Variants in NLRP1 observed in about 807,000 individuals in gnomAD.
NLRP1 encodes NLR family pyrin domain containing 1, also known as NACHT, LRR and PYD domains-containing protein 1.
NLRP1 carries 94 observed loss-of-function variants against 136.7 expected under a neutral mutation model. That is an observed-to-expected ratio of 0.69 (90% CI 0.58 to 0.82). The LOEUF (loss-of-function observed/expected upper bound fraction) is 0.82. NLRP1 is among the 40% of genes least tolerant of loss of function. NLRP1 has a pLI of 0.00. For synonymous variants in NLRP1, 690 were observed against 725.1 expected (o/e 0.95, Z 0.78); for missense variants, 1,575 against 1,802.7 (o/e 0.87, Z 2.29).
chr17:5,546,102 C>T (rs1241071383), intron 5 of NLRP1, among the ~76,000 whole-genome samples: 2 of 152,182 alleles, frequency 1.3e-5, no homozygotes, highest in Non-Finnish European at 2.9e-5. Context: ...AGGTGAAGGG[C>T]ACAGGCTTTG....
chr17:5,519,695 G>T (rs1029383220), intron 14 of NLRP1, among the ~76,000 whole-genome samples: 1 of 151,614 alleles, frequency 6.6e-6, no homozygotes. Context: ...TGATCCACCC[G>T]CCTTGGTCTC....
intron 3 of NLRP1, among the ~76,000 whole-genome samples, chr17:5,569,002 A>T (rs1479122778): frequency 6.6e-6 from 1 of 152,200 alleles, no homozygotes; most frequent in Admixed American, 6.5e-5. Context: ...GCTCCAACCA[A>T]GAATTTCATA....
chr17:5,581,161 G>A (rs1905594741), intron 3 of NLRP1, among the ~76,000 whole-genome samples: 1 of 152,190 alleles, frequency 6.6e-6, no homozygotes, highest in African/African-American at 2.4e-5. Context: ...GGCATTGAGA[G>A]GCAGCATGGT....
intron 13 of NLRP1, 92 bp from the exon 14 acceptor site, chr17:5,521,104 G>A: frequency 1.5e-6 from 2 of 1,296,596 alleles, no homozygotes; most frequent in Non-Finnish European, 2.1e-6. Context: ...GTGTTTGTGT[G>A]GACAGAGTGG....
downstream of NLRP1, among the ~76,000 whole-genome samples, chr17:5,512,997 C>T (rs1002005200): frequency 6.6e-6 from 1 of 152,204 alleles, no homozygotes; most frequent in African/African-American, 2.4e-5. Context: ...TTACTACTAG[C>T]TTTCTCCTGA....
In NLRP1 at chr17:5,584,027, A is replaced by C; in HGVS notation, c.-70T>G. ...GGTGAGGGTATCAGGCAGGCAGAGA[A>C]CAGTGCTGTCCTTTGCCTTGGCTCT... On this transcript the variant is annotated 5_prime_UTR_variant, in exon 1 of 17. Transcript: ENST00000572272. The C allele has an allele frequency of 6.8e-7, 1 of 1,470,800 alleles. No homozygotes were observed. The highest frequency in any genetic ancestry group is 9.3e-7 in the Non-Finnish European group (1 of 1,080,394). 91.1% of individuals were successfully genotyped at this position (1,470,800 alleles called of 1,614,324 possible).
rs201632316 is a variant in NLRP1 at position 5,514,816 on chromosome 17, G to A, written c.4360C>T (p.His1454Tyr). The A allele has an allele frequency of 4.3e-6, 7 of 1,614,020 alleles. No individual in the cohort carries two copies. The African/African-American group carries it at 8.0e-5, about 18-fold the overall frequency. Reference protein sequence around the residue: ...LYQALKETHPHLIMELWEKGS... With the variant: ...LYQALKETHPYLIMELWEKGS... ...TTCTCCCAGAGTTCCATAATGAGGT[G>A]AGGATGGGTCTCCTTCAGGGCTTGG... The change falls in exon 17 of 17, where the codon CAC becomes TAC. Residue 1454 changes from histidine (H) to tyrosine (Y), a missense_variant. By Grantham distance (83) the His-to-Tyr change is moderately conservative. Coordinates refer to ENST00000572272, the MANE Select transcript of NLRP1 (RefSeq NM_033004.4).
At position 5,520,924 on chromosome 17, in the gene NLRP1, G is replaced by T. The variant is rs1442614925; in HGVS notation, c.3872C>A (p.Thr1291Asn). ...LTPLYMGCRY[T>N]VSGSGSGMLE... is the part of the protein sequence containing the mutation. ...CATCCCTGAACCAGACCCAGACACA[G>T]TGTAACGACAGCCCATATAAAGTGG... is the stretch of plus-strand genomic sequence containing the variant. Residue 1291 changes from threonine to asparagine, a missense_variant, in exon 14 of 17, where the codon ACT becomes AAT. Thr to Asn is a moderately conservative substitution (Grantham distance 65, BLOSUM62 0). Coordinates refer to ENST00000572272, the MANE Select transcript of NLRP1 (RefSeq NM_033004.4). 6.2e-7 allele frequency: 1 copy of T among 1,612,006 alleles called. No homozygotes were observed. The highest frequency in any genetic ancestry group is 8.5e-7 in the Non-Finnish European group (1 of 1,178,938).
intron 15 of NLRP1, among the ~76,000 whole-genome samples, chr17:5,506,441 A>G (rs1256995601): frequency 2.0e-5 from 3 of 152,222 alleles, no homozygotes; most frequent in Admixed American, 1.3e-4. Context: ...AAAAGAGTTG[A>G]AAACAAGGTT....
At chr17:5,547,594 A>G (rs1912837862) in intron 5 of NLRP1, among the ~76,000 whole-genome samples, 1 of 152,252 alleles carries the variant, frequency 6.6e-6, no homozygotes, top group Non-Finnish European at 1.5e-5. Context: ...GGTTTGAGAT[A>G]GTGAAATTTT....
rs551329725 is a variant in NLRP1, at chr17:5,576,303, C to CA, written c.652+5555dup. Among the ~76,000 whole-genome samples, 115 of 152,124 alleles carry CA rather than the reference C, an allele frequency of 7.6e-4. 1 individual carries two copies. Among genetic ancestry groups the CA allele is most frequent in the African/African-American group, 2.7e-3 (110 of 41,486 alleles). On this transcript the variant is annotated intron_variant, in intron 3 of 16. Coordinates refer to ENST00000572272, the MANE Select transcript of NLRP1 (RefSeq NM_033004.4). ...AGCAGAACTGAAGGAGACAGAGACA[C>CA]AAAAAACCTTTCAAAAAATCAATGA...
chr17:5,581,856 C>G lies in NLRP1; in HGVS notation c.652+3G>C. 6.2e-7 allele frequency: 1 copy of G among 1,610,742 alleles called. No homozygotes were observed. Among genetic ancestry groups the G allele is most frequent in the Non-Finnish European group, 8.5e-7 (1 of 1,178,544 alleles). ...CCCCGCCAGGAGCTCAGTAGGGTCT[C>G]ACCTGTGTAGTAAATTCCTGACGTT... On this transcript the variant is annotated splice_donor_region_variant and intron_variant, in intron 3 of 16. Transcript: ENST00000572272.
Position 5,583,322 on chromosome 17 carries a change from C to G in NLRP1, c.271+365G>C, listed in dbSNP as rs1461446064. ...GCCCAGGGAGGCGGGCTCTCACTCT[C>G]CCATTTTGCAGACAGAGAAATAGGC... On this transcript the variant is annotated intron_variant, in intron 1 of 16. Transcript: ENST00000572272. The surrounding 1 kb of genome is among the most constrained non-coding windows in gnomAD (Gnocchi z 4.5). Among the ~76,000 whole-genome samples, 1 of 152,178 alleles carries G rather than the reference C, an allele frequency of 6.6e-6. No individual in the cohort carries two copies. The highest frequency in any genetic ancestry group is 1.5e-5 in the Non-Finnish European group (1 of 68,036).
Position 5,541,042 on chromosome 17 carries a change from G to GTTTCT in NLRP1, c.2699+810_2699+814dup, listed in dbSNP as rs1347242575. On this transcript the variant is annotated intron_variant, in intron 6 of 16. Transcript: ENST00000572272. The surrounding 1 kb of genome is among the most constrained non-coding windows in gnomAD (Gnocchi z 4.2). ...CAGGGAGAGGTAACTATGCACTCTT[G>GTTTCT]TTTCTTTTCTTTTCTTTTTTAAGAA... Among the ~76,000 whole-genome samples, 2 of 152,066 alleles carry GTTTCT rather than the reference G, an allele frequency of 1.3e-5. No homozygotes were observed. Among genetic ancestry groups the GTTTCT allele is most frequent in the East Asian group, 1.9e-4 (1 of 5,184 alleles).
In NLRP1 at chr17:5,553,031, T is replaced by C. The variant is rs368010701; in HGVS notation, c.2528+355A>G. ...CTGTAGCCTTATCTCAACCCTTTGC[T>C]ATCTGCCCTCCAGCCACACTGGCCT... is the stretch of plus-strand genomic sequence containing the variant. On this transcript the variant is annotated intron_variant, in intron 5 of 16. Transcript: ENST00000572272. Among the ~76,000 whole-genome samples the C allele has an allele frequency of 2.2e-4, 34 of 152,354 alleles. No individual in the cohort carries two copies. In the East Asian group the frequency reaches 2.7e-3, roughly 12 times the overall value.
chr17:5,518,415 A>C (rs532154229), intron 14 of NLRP1: 1 of 153,184 alleles, frequency 6.5e-6, no homozygotes, highest in East Asian at 1.9e-4. Context: ...CTACACAGGC[A>C]ATCCAGCAGG....
chr17:5,580,106 G>C (rs920041896), intron 3 of NLRP1, among the ~76,000 whole-genome samples: 14 of 152,012 alleles, frequency 9.2e-5, no homozygotes, highest in Non-Finnish European at 7.4e-5. Context: ...TTCGTGGCGG[G>C]CACCTGTAGT....
At chr17:5,557,944 C>A (rs184176039) in intron 4 of NLRP1, among the ~76,000 whole-genome samples, 76 of 152,130 alleles carry the variant, frequency 5.0e-4, no homozygotes, top group Admixed American at 2.5e-3. Context: ...GCAATTTCTC[C>A]GAGAGAATGA....
intron 7 of NLRP1, among the ~76,000 whole-genome samples, chr17:5,538,108 G>A (rs1911324955): frequency 1.3e-5 from 2 of 152,214 alleles, no homozygotes; most frequent in South Asian, 2.1e-4. Flanking sequence ...GACCCCCTCT[G>A]AGAAGGCTCT....
Sources: gnomAD v4.1 joint callset for allele counts (sites outside exome capture counted in the v4.1 genomes callset) on GRCh38, gnomAD v4.1.1 for gene constraint, Gnocchi (gnomAD v3.1) non-coding constraint, MANE v1.5 for transcripts, NCBI Gene and HGNC (gene_info 2026-07-23, HGNC 2026-07-21) for gene names.